Variants in RALGAPB observed in about 807,000 individuals in gnomAD.
The protein encoded by RALGAPB is Ral GTPase activating protein non-catalytic subunit beta.
RALGAPB carries 25 observed loss-of-function variants against 161.1 expected under a neutral mutation model. The ratio of observed to expected loss-of-function variants is 0.16; its 90% CI spans 0.11 to 0.22. RALGAPB has a LOEUF of 0.22. RALGAPB is among the 10% of genes least tolerant of loss of function. RALGAPB has a pLI of 1.00. For synonymous variants in RALGAPB, 629 were observed against 626.1 expected, an observed-to-expected ratio of 1.00 and a Z score of -0.07; for missense variants, 1,391 against 1,815.2, an observed-to-expected ratio of 0.77 and a Z score of 4.25.
intron 23 of RALGAPB, 104 bp from the exon 24 acceptor site, chr20:38,562,428 C>T: frequency 1.0e-6 from 1 of 957,584 alleles, no homozygotes; most frequent in East Asian, 2.7e-5. Flanking sequence ...TGAGCTTGGA[C>T]ATGATTTGTC....
intron 1 of RALGAPB, among the ~76,000 whole-genome samples, chr20:38,481,967 A>G (rs1568896095): frequency 6.6e-6 from 1 of 151,898 alleles, no homozygotes; most frequent in African/African-American, 2.4e-5. Flanking sequence ...ACTACAGTTG[A>G]CTCTCGTACA....
chr20:38,531,261 A>G, intron 14 of RALGAPB, 30 bp downstream of exon 14: 1 of 1,527,328 alleles, frequency 6.5e-7, no homozygotes, highest in East Asian at 2.3e-5. Context: ...TCTGTCAGAG[A>G]ATATCACTTT....
At chr20:38,574,089 C>T (rs1388455517) in intron 28 of RALGAPB, 61 bp from the exon 29 acceptor site, 3 of 1,501,960 alleles carry the variant, frequency 2.0e-6, no homozygotes, top group Non-Finnish European at 2.7e-6. Flanking sequence ...GACTTCAACT[C>T]TTGGGTGTCT....
rs746611632 is a variant in RALGAPB at position 38,535,058 on chromosome 20, T to C, written c.2246-16T>C. 1.2e-6 allele frequency: 2 copies of C among 1,612,530 alleles called. No individual in the cohort carries two copies. The highest frequency in any genetic ancestry group is 2.7e-5 in the African/African-American group (2 of 74,878). ...TTTCCCTCCCTGTGGGATGTGGCAT[T>C]GGGGTTATATCCTAGCTCTTAATAC... On this transcript the variant is annotated splice_polypyrimidine_tract_variant and intron_variant, in intron 15 of 29. Coordinates refer to ENST00000262879, the MANE Select transcript of RALGAPB (RefSeq NM_020336.4).
intron 10 of RALGAPB, 42 bp from the exon 11 acceptor site, chr20:38,524,736 T>C (rs1283663068): frequency 2.5e-5 from 36 of 1,461,570 alleles, no homozygotes; most frequent in Non-Finnish European, 3.4e-5. Flanking sequence ...ATGAAAACTT[T>C]TGATCAGCAG....
chr20:38,540,325 C>T (rs1031052099), intron 17 of RALGAPB, among the ~76,000 whole-genome samples: 1 of 152,212 alleles, frequency 6.6e-6, no homozygotes, highest in Non-Finnish European at 1.5e-5. Flanking sequence ...ACCTAGAGCA[C>T]AGCTCATCTA....
At chr20:38,473,097 C>T (rs1600798080) in intron 1 of RALGAPB, 28 bp downstream of exon 1, 1 of 345,736 alleles carries the variant, frequency 2.9e-6, no homozygotes, top group Non-Finnish European at 5.2e-6. Flanking sequence ...CCCGCCGCGG[C>T]CGGACCCTCC....
chr20:38,574,228 A>G lies in RALGAPB; in HGVS notation c.4221A>G (p.Gln1407=), dbSNP rs2088349192. 6.2e-7 allele frequency: 1 copy of G among 1,613,764 alleles called. No homozygotes were observed. The highest frequency in any genetic ancestry group is 8.5e-7 in the Non-Finnish European group (1 of 1,179,862). The part of the protein sequence containing the change: ...LNTGLFRIKI[Q]GATGKFNMVI... ...CTGGATTATTCCGGATAAAAATTCA[A>G]GGAGCCACTGGAAAATTTAATATGG... Residue 1407 remains glutamine, a synonymous_variant, in exon 29 of 30, where the codon CAA becomes CAG. Coordinates refer to ENST00000262879, the MANE Select transcript of RALGAPB (RefSeq NM_020336.4).
intron 1 of RALGAPB, among the ~76,000 whole-genome samples, chr20:38,487,260 G>A (rs1255759380): frequency 1.3e-5 from 2 of 152,198 alleles, no homozygotes; most frequent in East Asian, 3.8e-4. Flanking sequence ...TTGTGGGAAA[G>A]TGGCAGTAGA....
At chr20:38,509,787 T>G (rs141926377) in intron 6 of RALGAPB, among the ~76,000 whole-genome samples, 1 of 152,350 alleles carries the variant, frequency 6.6e-6, no homozygotes, top group Non-Finnish European at 1.5e-5. Flanking sequence ...GTAAACTGAT[T>G]CTTAAATTTT....
chr20:38,570,356 T>C (rs565296214), intron 27 of RALGAPB, among the ~76,000 whole-genome samples: 2 of 152,348 alleles, frequency 1.3e-5, no homozygotes, highest in South Asian at 4.1e-4. Context: ...TCCACCCACA[T>C]GTCCTACTGT....
intron 6 of RALGAPB, among the ~76,000 whole-genome samples, chr20:38,515,031 T>C (rs1053618907): frequency 2.6e-5 from 4 of 152,244 alleles, no homozygotes; most frequent in African/African-American, 9.6e-5. Context: ...TGATTTACAG[T>C]AGACATGAAT....
At position 38,481,031 on chromosome 20, in the gene RALGAPB, C is replaced by T. The variant is rs116573099; in HGVS notation, c.-30-7372C>T. On this transcript the variant is annotated intron_variant, in intron 1 of 29. Coordinates refer to ENST00000262879, the MANE Select transcript of RALGAPB (RefSeq NM_020336.4). ...GATTACAGGCGTGACCCACTGTACC[C>T]GGCCTCATCTGCCCCTTTTTACCCT... Among the ~76,000 whole-genome samples, 78 of 152,168 alleles carry T rather than the reference C, an allele frequency of 5.1e-4. 1 individual carries two copies. Among genetic ancestry groups the T allele is most frequent in the African/African-American group, 1.8e-3 (73 of 41,518 alleles).
At chr20:38,572,494 ATC>A (rs2088277172) in intron 28 of RALGAPB, among the ~76,000 whole-genome samples, 1 of 152,208 alleles carries the variant, frequency 6.6e-6, no homozygotes, top group Non-Finnish European at 1.5e-5. Context: ...TTGACCCTGC[ATC>A]TCTCTCATCA....
chr20:38,565,207 T>A, intron 24 of RALGAPB, 152 bp from the exon 25 acceptor site: 1 of 801,798 alleles, frequency 1.2e-6, no homozygotes, highest in Non-Finnish European at 1.9e-6. Flanking sequence ...CTAATAAGCA[T>A]TATATTTTAT....
intron 29 of RALGAPB, 149 bp downstream of exon 29, chr20:38,574,447 T>C (rs75521078): frequency 0.025 from 23,904 of 964,482 alleles, 359 homozygotes; most frequent in Non-Finnish European, 0.03. Context: ...AGGGAGCATG[T>C]TTCGTTCTTT....
intron 9 of RALGAPB, among the ~76,000 whole-genome samples, chr20:38,520,566 T>C (rs2123111437): frequency 6.6e-6 from 1 of 151,456 alleles, no homozygotes; most frequent in East Asian, 1.9e-4. Flanking sequence ...AGCTTATTTT[T>C]ATACAGATTT....
Position 38,525,915 on chromosome 20 carries a change from T to C in RALGAPB, c.1923T>C (p.Phe641=). The part of the protein sequence containing the change: ...VKSEVVLEGK[F]SNDDSSSYDK... ...CATAGGTGGTCCTGGAAGGAAAGTT[T>C]AGTAACGATGACAGCTCTTCTTATG... is the stretch of plus-strand genomic sequence containing the variant. Residue 641 remains phenylalanine, a synonymous_variant, in exon 13 of 30, where the codon TTT becomes TTC. Coordinates refer to ENST00000262879, the MANE Select transcript of RALGAPB (RefSeq NM_020336.4). The C allele has an allele frequency of 1.2e-6, 2 of 1,612,798 alleles. No homozygotes were observed. Among genetic ancestry groups the C allele is most frequent in the African/African-American group, 1.3e-5 (1 of 74,964 alleles).
Position 38,472,908 on chromosome 20 carries a change from C to T in RALGAPB, c.-192C>T, listed in dbSNP as rs2084691726. ...AGTGGCCTTCGTCGTCCCTTGGCGC[C>T]CTGGGAGAGTCGCTGACGGGTGGAC... On this transcript the variant is annotated 5_prime_UTR_variant, in exon 1 of 30. Transcript: ENST00000262879. 2.5e-6 allele frequency: 1 copy of T among 398,864 alleles called. No individual in the cohort carries two copies. The highest frequency in any genetic ancestry group is 4.4e-5 in the Admixed American group (1 of 22,720). The allele number at this position is 398,864 out of a possible 1,614,324, so 24.7% of individuals were successfully genotyped here. A position where few individuals can be genotyped will look rare whatever the true frequency, so the allele number is the denominator to read the frequency against.
Sources: gnomAD v4.1 joint callset for allele counts (sites outside exome capture counted in the v4.1 genomes callset) on GRCh38, gnomAD v4.1.1 for gene constraint, MANE v1.5 for transcripts, NCBI Gene and HGNC (gene_info 2026-07-23, HGNC 2026-07-21) for gene names.